Variants in CPEB3 observed in about 807,000 individuals in gnomAD.
The protein encoded by CPEB3 is cytoplasmic polyadenylation element-binding protein 3.
CPEB3 carries 20 observed loss-of-function variants against 67.2 expected under a neutral mutation model. The ratio of observed to expected loss-of-function variants is 0.30; its 90% CI spans 0.21 to 0.43. CPEB3 has a LOEUF of 0.43. Ranked by LOEUF, CPEB3 falls within the 20% of genes least tolerant of loss-of-function variation. CPEB3 has a pLI of 1.00. For missense variants in CPEB3, 746 were observed against 968.6 expected (o/e 0.77, Z 3.05); for synonymous variants, 376 against 393.1 (o/e 0.96, Z 0.51).
At chr10:92,129,696 A>C (rs927843400) in intron 6 of CPEB3, among the ~76,000 whole-genome samples, 1 of 152,074 alleles carries the variant, frequency 6.6e-6, no homozygotes, top group Non-Finnish European at 1.5e-5. Context: ...GGGAGACTAG[A>C]TCAATTTAGG....
chr10:92,168,266 A>G (rs545388033), intron 4 of CPEB3, among the ~76,000 whole-genome samples: 1 of 152,360 alleles, frequency 6.6e-6, no homozygotes, highest in Admixed American at 6.5e-5. Flanking sequence ...ACTGCTTTCA[A>G]TATCTTACAG....
intron 1 of CPEB3, among the ~76,000 whole-genome samples, chr10:92,275,054 G>T (rs542135316): frequency 6.6e-6 from 1 of 152,300 alleles, no homozygotes; most frequent in South Asian, 2.1e-4. Flanking sequence ...GCCACTACTT[G>T]ACTGTTCCCA....
At chr10:92,078,266 T>C (rs1238742795) in intron 9 of CPEB3, among the ~76,000 whole-genome samples, 1 of 152,214 alleles carries the variant, frequency 6.6e-6, no homozygotes, top group Non-Finnish European at 1.5e-5. Context: ...CACTAACCAG[T>C]GTACCTTTTT....
chr10:92,286,601 AC>A (rs139973911), intron 1 of CPEB3, among the ~76,000 whole-genome samples: 193 of 151,622 alleles, frequency 1.3e-3, no homozygotes, highest in Middle Eastern at 6.8e-3. Context: ...AAAAAAAAAA[AC>A]ATAGGTATAG....
chr10:92,166,566 A>G (rs1411054812), intron 4 of CPEB3, among the ~76,000 whole-genome samples: 1 of 152,238 alleles, frequency 6.6e-6, no homozygotes, highest in African/African-American at 2.4e-5. Context: ...ATATTTTGAA[A>G]GGAGTATTTT....
intron 7 of CPEB3, among the ~76,000 whole-genome samples, chr10:92,092,416 A>C (rs2133309128): frequency 6.6e-6 from 1 of 152,344 alleles, no homozygotes; most frequent in Non-Finnish European, 1.5e-5. Flanking sequence ...ATCTTTCAGC[A>C]ATATGATTTA....
chr10:92,158,478 TG>T (rs1847311857), intron 4 of CPEB3, among the ~76,000 whole-genome samples: 1 of 152,128 alleles, frequency 6.6e-6, no homozygotes, highest in African/African-American at 2.4e-5. Flanking sequence ...TACCATGCGG[TG>T]GTCACTCTGA....
At chr10:92,231,061 A>G (rs1851243792) in intron 2 of CPEB3, among the ~76,000 whole-genome samples, 1 of 152,202 alleles carries the variant, frequency 6.6e-6, no homozygotes, top group Non-Finnish European at 1.5e-5. Flanking sequence ...ATCACCAATT[A>G]AAATGTTCAT....
chr10:92,164,867 TTC>T (rs1285637244), intron 4 of CPEB3, among the ~76,000 whole-genome samples: 1 of 152,200 alleles, frequency 6.6e-6, no homozygotes, highest in Non-Finnish European at 1.5e-5. Flanking sequence ...CACCCCAATT[TTC>T]TTTTTTAAAT....
chr10:92,224,633 C>A (rs755103118), intron 2 of CPEB3, among the ~76,000 whole-genome samples: 1 of 151,892 alleles, frequency 6.6e-6, no homozygotes, highest in Non-Finnish European at 1.5e-5. Context: ...CTTTGCGAGG[C>A]TGAGGTGAAA....
At chr10:92,126,133 T>C (rs1424702380) in intron 6 of CPEB3, among the ~76,000 whole-genome samples, 2 of 152,188 alleles carry the variant, frequency 1.3e-5, no homozygotes, top group Non-Finnish European at 2.9e-5. Flanking sequence ...ATTCCCTCTC[T>C]CTGGAATTCA....
intron 1 of CPEB3, among the ~76,000 whole-genome samples, chr10:92,275,786 T>C (rs572860487): frequency 1.3e-5 from 2 of 151,982 alleles, no homozygotes; most frequent in South Asian, 2.1e-4. Flanking sequence ...TCCTGTCACA[T>C]AGCAAAATGT....
At position 92,243,949 on chromosome 10, in the gene CPEB3, T is replaced by C. The variant is rs1851952575; in HGVS notation, c.-11-3588A>G. Among the ~76,000 whole-genome samples the C allele has an allele frequency of 6.6e-5, 10 of 152,336 alleles. No individual in the cohort carries two copies. In the South Asian group the frequency reaches 2.1e-3, roughly 32 times the overall value. On this transcript the variant is annotated intron_variant, in intron 1 of 9. Coordinates refer to ENST00000265997, the MANE Select transcript of CPEB3 (RefSeq NM_014912.5). Reference sequence around the variant, plus strand: ...CTGAACCAACTCACCTCCTTATTTTTACTTGTCAAAATAAAAGTTCACCTT... The same window carrying C: ...CTGAACCAACTCACCTCCTTATTTTCACTTGTCAAAATAAAAGTTCACCTT...
At chr10:92,178,483 T>C (rs371464419) in intron 4 of CPEB3, among the ~76,000 whole-genome samples, 1 of 151,956 alleles carries the variant, frequency 6.6e-6, no homozygotes, top group African/African-American at 2.4e-5. Flanking sequence ...TACATGAAGG[T>C]TGACAGAAAG....
chr10:92,098,255 A>AT (rs554106509), intron 7 of CPEB3, among the ~76,000 whole-genome samples: 3 of 139,718 alleles, frequency 2.1e-5, no homozygotes, highest in Non-Finnish European at 4.6e-5. Context: ...CATAGACCCC[A>AT]TTTTTTGCAT....
intron 9 of CPEB3, among the ~76,000 whole-genome samples, chr10:92,058,564 C>CATAT (rs1842203259): frequency 4.3e-5 from 5 of 116,466 alleles, no homozygotes; most frequent in Non-Finnish European, 7.5e-5. Flanking sequence ...TACATACATA[C>CATAT]ATACATACAT....
intron 2 of CPEB3, chr10:92,216,525 A>G: frequency 1.2e-6 from 2 of 1,612,868 alleles, no homozygotes; most frequent in South Asian, 1.1e-5. Flanking sequence ...CGCGGGGTGA[A>G]AGAGGTTCAG....
chr10:92,120,098 C>CAAAAAAAAAAAA (rs34785763), intron 6 of CPEB3, among the ~76,000 whole-genome samples: 5 of 45,244 alleles, frequency 1.1e-4, no homozygotes, highest in Admixed American at 3.2e-4. Context: ...ACTAAAAATA[C>CAAAAAAAAAAAA]AAAAAAAAAA....
At chr10:92,113,066 C>A (rs1844831417) in intron 6 of CPEB3, among the ~76,000 whole-genome samples, 1 of 152,178 alleles carries the variant, frequency 6.6e-6, no homozygotes, top group Non-Finnish European at 1.5e-5. Flanking sequence ...AGACCAGCCA[C>A]TCCCTAGCAT....
Sources: allele counts gnomAD v4.1 joint callset (sites outside exome capture counted in the v4.1 genomes callset), GRCh38; gene constraint gnomAD v4.1.1; transcripts MANE v1.5; gene names NCBI Gene and HGNC (gene_info 2026-07-23, HGNC 2026-07-21).